TARS1: variants seen among roughly 807,000 people sequenced by gnomAD.
The protein encoded by TARS1 is threonine--tRNA ligase 1, cytoplasmic.
TARS1 carries 57 observed loss-of-function variants against 97.7 expected under a neutral mutation model. The ratio of observed to expected loss-of-function variants is 0.58; its 90% CI spans 0.47 to 0.73. The LOEUF (loss-of-function observed/expected upper bound fraction) is 0.73, where lower values mean the gene tolerates loss of function less well. TARS1 is among the 30% of genes least tolerant of loss of function. The pLI, the probability that TARS1 is intolerant of heterozygous loss-of-function variation, is 0.00. For missense variants in TARS1, 806 were observed against 888.3 expected, an observed-to-expected ratio of 0.91 and a Z score of 1.18; for synonymous variants, 312 against 293.7, an observed-to-expected ratio of 1.06 and a Z score of -0.64.
intron 3 of TARS1, among the ~76,000 whole-genome samples, chr5:33,449,156 C>A (rs1356738890): frequency 6.6e-6 from 1 of 152,006 alleles, no homozygotes; most frequent in Middle Eastern, 3.4e-3. Flanking sequence ...AAAGACTATT[C>A]CTAGTCTTAA....
At chr5:33,452,439 T>C in intron 3 of TARS1, 2 of 1,534,786 alleles carry the variant, frequency 1.3e-6, no homozygotes, top group Non-Finnish European at 8.7e-7. Context: ...CTTTTCTTCC[T>C]GTGAGTGCTT....
At chr5:33,443,570 G>A (rs1004577777) in intron 1 of TARS1, among the ~76,000 whole-genome samples, 1 of 148,422 alleles carries the variant, frequency 6.7e-6, no homozygotes, top group African/African-American at 2.5e-5. Flanking sequence ...TCTGCTCACT[G>A]CAAGCTCCGC....
intron 1 of TARS1, among the ~76,000 whole-genome samples, chr5:33,443,609 C>T (rs1257714775): frequency 1.3e-5 from 2 of 151,766 alleles, no homozygotes; most frequent in African/African-American, 4.8e-5. Context: ...TCTCCTGCCT[C>T]AGCCTCCCGA....
upstream of TARS1, chr5:33,440,769 A>C (rs562097383): frequency 6.3e-6 from 3 of 477,650 alleles, no homozygotes; most frequent in African/African-American, 5.8e-5. Context: ...GAAAGCGTCC[A>C]GACCAAGGTC....
chr5:33,460,846 C>T, intron 11 of TARS1, 56 bp from the exon 12 acceptor site: 2 of 1,589,682 alleles, frequency 1.3e-6, no homozygotes, highest in Non-Finnish European at 1.7e-6. Flanking sequence ...TTAAATATAG[C>T]ATTACAGAAG....
In TARS1 at chr5:33,468,037, A is replaced by G. The variant is rs1328528141; in HGVS notation, c.*329A>G. On this transcript the variant is annotated 3_prime_UTR_variant, in exon 19 of 19. Transcript: ENST00000265112. The stretch of plus-strand genomic sequence containing the variant: ...TTGAAAAAGTTTTCAAATTCAATTA[A>G]GATAACTAGAATTGGATTATGGTGT... 2 of 209,420 alleles carry G rather than the reference A, an allele frequency of 9.6e-6. No homozygotes were observed. The highest frequency in any genetic ancestry group is 1.9e-5 in the Non-Finnish European group (2 of 105,576). The allele number at this position is 209,420 out of a possible 1,614,324, so 13.0% of individuals were successfully genotyped here.
rs373569287 is a variant in TARS1 at position 33,461,574 on chromosome 5, A to G, written c.1552-93A>G. 1.2e-4 allele frequency: 148 copies of G among 1,268,614 alleles called. 1 individual carries two copies. In the African/African-American group the frequency reaches 2.1e-3, roughly 18 times the overall value. The allele number at this position is 1,268,614 out of a possible 1,614,324, so 78.6% of individuals were successfully genotyped here. A position where few individuals can be genotyped will look rare whatever the true frequency, so the allele number is the denominator to read the frequency against. ...ATTCTAAAGCAGAGAATATTGATCT[A>G]TGAAAGTAATTACTGTATTTTTAGT... On this transcript the variant is annotated intron_variant, in intron 13 of 18. Transcript: ENST00000265112.
At chr5:33,456,390 T>G (rs952186166) in intron 8 of TARS1, among the ~76,000 whole-genome samples, 163 bp downstream of exon 8, 2 of 152,240 alleles carry the variant, frequency 1.3e-5, no homozygotes, top group African/African-American at 4.8e-5. Context: ...GATTTTATAA[T>G]TGAAATCCCT....
chr5:33,452,868 G>A (rs1411383181), intron 3 of TARS1, among the ~76,000 whole-genome samples: 1 of 151,516 alleles, frequency 6.6e-6, no homozygotes, highest in African/African-American at 2.4e-5. Context: ...TGTGCCAGTT[G>A]TCCCAGCTAC....
intron 3 of TARS1, among the ~76,000 whole-genome samples, chr5:33,451,861 A>C (rs556913575): frequency 6.6e-6 from 1 of 152,322 alleles, no homozygotes; most frequent in Admixed American, 6.5e-5. Flanking sequence ...CCTTTTTATC[A>C]GTTCTTTAAT....
At chr5:33,459,567 G>T in intron 10 of TARS1, 128 bp from the exon 11 acceptor site, 1 of 1,127,106 alleles carries the variant, frequency 8.9e-7, no homozygotes. Flanking sequence ...TTAGAAGTGG[G>T]ATTTCTGAAT....
chr5:33,456,440 C>T (rs1192829909), intron 8 of TARS1, among the ~76,000 whole-genome samples: 1 of 152,156 alleles, frequency 6.6e-6, no homozygotes, highest in East Asian at 1.9e-4. Context: ...AGAGCAATCA[C>T]AGGGGATGGA....
intron 1 of TARS1, among the ~76,000 whole-genome samples, chr5:33,444,997 T>C (rs1741343302): frequency 6.6e-6 from 1 of 152,096 alleles, no homozygotes; most frequent in Non-Finnish European, 1.5e-5. Flanking sequence ...CTGAATCAAC[T>C]GCGTGCTTCC....
At chr5:33,448,114 G>T (rs1022871836) in intron 2 of TARS1, among the ~76,000 whole-genome samples, 3 of 152,190 alleles carry the variant, frequency 2.0e-5, no homozygotes, top group Non-Finnish European at 2.9e-5. Context: ...AAAGAAATTT[G>T]TGATTGGTTG....
At chr5:33,465,001 G>T (rs553278987) in intron 17 of TARS1, among the ~76,000 whole-genome samples, 30 of 152,286 alleles carry the variant, frequency 2.0e-4, no homozygotes, top group African/African-American at 6.7e-4. Flanking sequence ...AGGAGGCGGA[G>T]CTTGCAGTGA....
intron 3 of TARS1, among the ~76,000 whole-genome samples, chr5:33,452,701 T>C (rs1741803371): frequency 6.6e-6 from 1 of 152,166 alleles, no homozygotes; most frequent in African/African-American, 2.4e-5. Flanking sequence ...GAGGTTAGCA[T>C]TGTCTGTCAA....
chr5:33,464,851 G>A (rs1742457264), intron 17 of TARS1, among the ~76,000 whole-genome samples: 1 of 152,072 alleles, frequency 6.6e-6, no homozygotes, highest in Admixed American at 6.5e-5. Context: ...GCCGAGGCGG[G>A]TGGATCACGA....
intron 10 of TARS1, among the ~76,000 whole-genome samples, chr5:33,458,938 A>G (rs1167653418): frequency 6.6e-6 from 1 of 152,164 alleles, no homozygotes; most frequent in African/African-American, 2.4e-5. Context: ...TTTTCTTTGA[A>G]AAAACGGTTT....
In TARS1 at chr5:33,445,304, A is replaced by G; in HGVS notation, c.58-20A>G. Reference sequence around the variant, plus strand: ...GGTGTCACATTAGATTAAAATATAAAACGTTTTTTGCTTATTTAGATTGGT... The same window carrying G: ...GGTGTCACATTAGATTAAAATATAAGACGTTTTTTGCTTATTTAGATTGGT... On this transcript the variant is annotated intron_variant, in intron 1 of 18. Coordinates refer to ENST00000265112, the MANE Select transcript of TARS1 (RefSeq NM_152295.5). 1 of 1,598,022 alleles carries G rather than the reference A, an allele frequency of 6.3e-7. No homozygotes were observed. Among genetic ancestry groups the G allele is most frequent in the South Asian group, 1.1e-5 (1 of 89,044 alleles).
Sources: allele counts gnomAD v4.1 joint callset (sites outside exome capture counted in the v4.1 genomes callset), GRCh38; gene constraint gnomAD v4.1.1; transcripts MANE v1.5; gene names NCBI Gene and HGNC (gene_info 2026-07-23, HGNC 2026-07-21).